TNNI3K: variants seen among roughly 807,000 people sequenced by gnomAD.
The protein encoded by TNNI3K is serine/threonine-protein kinase TNNI3K.
TNNI3K carries 140 observed loss-of-function variants against 114.5 expected under a neutral mutation model. The ratio of observed to expected loss-of-function variants is 1.22; its 90% CI spans 1.07 to 1.41. The LOEUF (loss-of-function observed/expected upper bound fraction) is 1.41. Ranked by LOEUF, TNNI3K falls within the 40% of genes most tolerant of loss-of-function variation. TNNI3K has a pLI of 0.00. For missense variants in TNNI3K, 1,125 were observed against 1,007.6 expected, an observed-to-expected ratio of 1.12 and a Z score of -1.58; for synonymous variants, 347 against 347.5, an observed-to-expected ratio of 1.00 and a Z score of 0.02.
At chr1:74,242,496 T>A (rs1285746861) in intron 2 of TNNI3K, among the ~76,000 whole-genome samples, 1 of 152,146 alleles carries the variant, frequency 6.6e-6, no homozygotes, top group Non-Finnish European at 1.5e-5. Context: ...ATAAGATGAA[T>A]AGCACTGGAA....
At chr1:74,465,433 C>T (rs559126696) in intron 21 of TNNI3K, among the ~76,000 whole-genome samples, 14 of 152,298 alleles carry the variant, frequency 9.2e-5, no homozygotes, top group East Asian at 1.9e-4. Context: ...GGCCAGGTCC[C>T]GCAACACTGC....
intron 6 of TNNI3K, among the ~76,000 whole-genome samples, chr1:74,332,838 C>T (rs1660276239): frequency 1.3e-5 from 2 of 151,680 alleles, no homozygotes; most frequent in South Asian, 4.2e-4. Flanking sequence ...TTCAAGGCAA[C>T]ATTTTCTAAC....
intron 7 of TNNI3K, among the ~76,000 whole-genome samples, chr1:74,338,399 A>C (rs1660588084): frequency 6.6e-6 from 1 of 151,898 alleles, no homozygotes; most frequent in Non-Finnish European, 1.5e-5. Flanking sequence ...GGTATTGAAA[A>C]ATTTCTTTTT....
At chr1:74,302,247 T>A (rs551549699) in intron 5 of TNNI3K, among the ~76,000 whole-genome samples, 26 of 152,328 alleles carry the variant, frequency 1.7e-4, no homozygotes, top group African/African-American at 6.0e-4. Context: ...AATACAAATT[T>A]TATGTATTCA....
chr1:74,423,123 A>T (rs1038571992), intron 17 of TNNI3K, among the ~76,000 whole-genome samples: 3 of 151,974 alleles, frequency 2.0e-5, no homozygotes, highest in African/African-American at 7.2e-5. Context: ...GCTTCAGCTT[A>T]TCTCCTCCTT....
chr1:74,484,225 AC>A (rs1440003748), intron 21 of TNNI3K, among the ~76,000 whole-genome samples: 2 of 151,274 alleles, frequency 1.3e-5, no homozygotes, highest in Non-Finnish European at 2.9e-5. Flanking sequence ...AAAAAAAAAA[AC>A]AAGGAGCAAA....
At chr1:74,525,788 T>C (rs978573870) in intron 23 of TNNI3K, among the ~76,000 whole-genome samples, 3 of 152,108 alleles carry the variant, frequency 2.0e-5, no homozygotes, top group African/African-American at 7.2e-5. Flanking sequence ...GGAGCAGCAG[T>C]TGGCCCAGCA....
chr1:74,514,526 G>T (rs1242182691), intron 23 of TNNI3K, among the ~76,000 whole-genome samples: 1 of 152,158 alleles, frequency 6.6e-6, no homozygotes, highest in African/African-American at 2.4e-5. Flanking sequence ...AACCTACTAT[G>T]TACTAGTACA....
chr1:74,516,951 T>G (rs1388932934), intron 23 of TNNI3K, among the ~76,000 whole-genome samples: 1 of 152,128 alleles, frequency 6.6e-6, no homozygotes, highest in Non-Finnish European at 1.5e-5. Flanking sequence ...TCTACAGAAG[T>G]CTAAAAGAAA....
chr1:74,373,410 A>G (rs1367016603), intron 17 of TNNI3K: 1 of 151,934 alleles, frequency 6.6e-6, no homozygotes, highest in Non-Finnish European at 1.5e-5. Flanking sequence ...AGTAGAGAGA[A>G]AGATGCACAT....
At chr1:74,538,782 G>A (rs112890110) in intron 23 of TNNI3K, among the ~76,000 whole-genome samples, 17 of 152,252 alleles carry the variant, frequency 1.1e-4, no homozygotes, top group East Asian at 5.8e-4. Flanking sequence ...TGCAAGCAGC[G>A]TTAACAAATG....
chr1:74,475,327 T>A, intron 21 of TNNI3K: 1 of 704,338 alleles, frequency 1.4e-6, no homozygotes, highest in Non-Finnish European at 2.6e-6. Flanking sequence ...TTGCAGAGTT[T>A]GAGGCTGGAC....
chr1:74,267,516 A>G (rs1343360228), intron 4 of TNNI3K, among the ~76,000 whole-genome samples: 1 of 151,962 alleles, frequency 6.6e-6, no homozygotes, highest in Non-Finnish European at 1.5e-5. Context: ...TTTGAGCCTG[A>G]GTGACATCGG....
chr1:74,464,742 A>G (rs777031794), intron 21 of TNNI3K: 5 of 1,572,922 alleles, frequency 3.2e-6, no homozygotes, highest in Non-Finnish European at 4.3e-6. Context: ...TCAGAAGATA[A>G]CCTCTTATCC....
At chr1:74,336,896 C>T (rs1034000274) in intron 7 of TNNI3K, among the ~76,000 whole-genome samples, 5 of 152,110 alleles carry the variant, frequency 3.3e-5, no homozygotes, top group African/African-American at 9.7e-5. Flanking sequence ...AGTGGTATTT[C>T]TAGTTCTAGA....
At chr1:74,340,382 C>A (rs1660692455) in intron 7 of TNNI3K, among the ~76,000 whole-genome samples, 1 of 152,094 alleles carries the variant, frequency 6.6e-6, no homozygotes, top group Non-Finnish European at 1.5e-5. Flanking sequence ...TTCATGCATT[C>A]AATTTTTCTA....
At chr1:74,455,663 T>G (rs1399644562) in intron 20 of TNNI3K, among the ~76,000 whole-genome samples, 1 of 152,150 alleles carries the variant, frequency 6.6e-6, no homozygotes, top group Non-Finnish European at 1.5e-5. Context: ...GGGTCACCAC[T>G]GTAAGTTCCA....
At chr1:74,270,903 T>C (rs1218672087) in intron 4 of TNNI3K, among the ~76,000 whole-genome samples, 1 of 151,696 alleles carries the variant, frequency 6.6e-6, no homozygotes, top group Non-Finnish European at 1.5e-5. Flanking sequence ...TATTATTTCA[T>C]GTATCTCCAA....
rs540218540 is a variant in TNNI3K at position 74,409,492 on chromosome 1, C to CTT, written c.1773-26570_1773-26569dup. Among the ~76,000 whole-genome samples, 129 of 124,890 alleles carry CTT rather than the reference C, an allele frequency of 1.0e-3. 2 individuals carry two copies. The highest frequency in any genetic ancestry group is 2.1e-3 in the African/African-American group (68 of 32,368). The allele number at this position is 124,890 out of a possible 152,430, so 81.9% of individuals were successfully genotyped here. ...AAACTATTTTATTTTCTATTTGTTT[C>CTT]TTTTTTTTTTTTTTTTTTTGAGATG... On this transcript the variant is annotated intron_variant, in intron 17 of 24. Coordinates refer to ENST00000326637, the MANE Select transcript of TNNI3K (RefSeq NM_015978.3).
Sources: allele counts gnomAD v4.1 joint callset (sites outside exome capture counted in the v4.1 genomes callset), GRCh38; gene constraint gnomAD v4.1.1; transcripts MANE v1.5; gene names NCBI Gene and HGNC (gene_info 2026-07-23, HGNC 2026-07-21).